The following PARP9 variants were observed in gnomAD, a reference collection of about 807,000 sequenced individuals.
The protein encoded by PARP9 is poly(ADP-ribose) polymerase family member 9.
In PARP9, 48 loss-of-function variants were observed where a neutral mutation model predicts 68.8. The ratio of observed to expected loss-of-function variants is 0.70; its 90% confidence interval spans 0.55 to 0.89. The LOEUF is 0.89. PARP9 is among the 40% of genes least tolerant of loss of function. PARP9 has a pLI of 0.00. For missense variants in PARP9, 806 were observed against 969.3 expected (o/e 0.83, Z 2.24); for synonymous variants, 309 against 333.8 (o/e 0.93, Z 0.81).
At chr3:122,552,330 A>G in intron 5 of PARP9, 88 bp downstream of exon 5, 1 of 996,650 alleles carries the variant, frequency 1.0e-6, no homozygotes, top group East Asian at 2.5e-5. Flanking sequence ...ATATTTCATG[A>G]ATGTAATGAA....
intron 5 of PARP9, 42 bp downstream of exon 5, chr3:122,552,376 A>G: frequency 7.1e-7 from 1 of 1,411,560 alleles, no homozygotes; most frequent in African/African-American, 1.4e-5. Context: ...AAGACTGTAT[A>G]GACTATGGAG....
At chr3:122,532,128 G>A in intron 10 of PARP9, 1 of 984,294 alleles carries the variant, frequency 1.0e-6, no homozygotes, top group Non-Finnish European at 1.2e-6. Flanking sequence ...GAGTGGCAAT[G>A]GCTGGAGAAG....
At chr3:122,535,597 A>G (rs2077578495) in intron 10 of PARP9, 2 of 985,290 alleles carry the variant, frequency 2.0e-6, no homozygotes, top group Admixed American at 1.2e-4. Flanking sequence ...TTATATATGC[A>G]ATGTTTTTGT....
At chr3:122,549,853 CAGAGATCCAAGTGGAAATG>C (rs2079056829) in intron 6 of PARP9, among the ~76,000 whole-genome samples, 1 of 151,636 alleles carries the variant, frequency 6.6e-6, no homozygotes, top group African/African-American at 2.4e-5. Flanking sequence ...AGATGACGGT[CAGAGATCCAAGTGGAAATG>C]AGAGAGGATT....
At chr3:122,535,563 G>A (rs1397482031) in intron 10 of PARP9, 2 of 985,350 alleles carry the variant, frequency 2.0e-6, no homozygotes, top group East Asian at 2.3e-4. Context: ...TAGTGACTGA[G>A]GAGTAGAGGG....
chr3:122,535,439 A>G (rs2077568172), intron 10 of PARP9: 1 of 985,464 alleles, frequency 1.0e-6, no homozygotes, highest in Non-Finnish European at 1.2e-6. Context: ...AAAGATCAAG[A>G]GCCACATATT....
intron 5 of PARP9, among the ~76,000 whole-genome samples, chr3:122,551,617 T>C (rs2079207791): frequency 6.6e-6 from 1 of 152,142 alleles, no homozygotes; most frequent in South Asian, 2.1e-4. Flanking sequence ...TTGTATTTTA[T>C]GTGCCTCAGT....
intron 6 of PARP9, among the ~76,000 whole-genome samples, chr3:122,549,686 T>A (rs1448546714): frequency 6.6e-6 from 1 of 151,128 alleles, no homozygotes; most frequent in Non-Finnish European, 1.5e-5. Flanking sequence ...GAGGCTGGAG[T>A]GGGAGGATCA....
intron 7 of PARP9, among the ~76,000 whole-genome samples, chr3:122,544,003 G>A (rs535677432): frequency 1.4e-4 from 22 of 152,294 alleles, no homozygotes; most frequent in African/African-American, 2.2e-4. Context: ...GACATTTGCC[G>A]CCATTATTCA....
intron 1 of PARP9, among the ~76,000 whole-genome samples, chr3:122,563,449 ATC>A (rs1465565554): frequency 6.6e-6 from 1 of 152,200 alleles, no homozygotes; most frequent in East Asian, 1.9e-4. Context: ...AGTTAATTTC[ATC>A]TGTTTCTTTA....
At chr3:122,536,375 G>T in intron 9 of PARP9, 33 bp from the exon 10 acceptor site, 1 of 1,604,202 alleles carries the variant, frequency 6.2e-7, no homozygotes, top group Non-Finnish European at 8.5e-7. Context: ...CTGAAAAAGA[G>T]GCTAGAGAAC....
chr3:122,552,196 A>C (rs2079258429), intron 5 of PARP9, among the ~76,000 whole-genome samples: 1 of 152,176 alleles, frequency 6.6e-6, no homozygotes, highest in Non-Finnish European at 1.5e-5. Flanking sequence ...CTGGACTCAC[A>C]GGCATGAGCC....
chr3:122,529,477 G>A (rs1559792717), intron 10 of PARP9, among the ~76,000 whole-genome samples: 1 of 151,568 alleles, frequency 6.6e-6, no homozygotes, highest in Non-Finnish European at 1.5e-5. Flanking sequence ...TCGGCCGGGC[G>A]CGGTGGCTCA....
intron 10 of PARP9, among the ~76,000 whole-genome samples, chr3:122,529,645 T>A (rs1201155550): frequency 6.6e-6 from 1 of 151,392 alleles, no homozygotes; most frequent in Non-Finnish European, 1.5e-5. Context: ...TCCCAGCTAC[T>A]CCGGGGGCTG....
intron 10 of PARP9, chr3:122,535,517 C>T (rs1396564483): frequency 1.4e-5 from 14 of 985,262 alleles, no homozygotes; most frequent in African/African-American, 1.7e-5. Flanking sequence ...AATTTCTTTT[C>T]CTCTTTTGGA....
At chr3:122,549,436 C>G (rs148462849) in intron 6 of PARP9, among the ~76,000 whole-genome samples, 82 of 152,134 alleles carry the variant, frequency 5.4e-4, no homozygotes, top group South Asian at 4.6e-3. Context: ...ATATAGCCAG[C>G]GAGAGGCAAA....
chr3:122,546,968 CTATATATATATATATATATA>C (rs57337681), intron 6 of PARP9, among the ~76,000 whole-genome samples: 15,639 of 70,284 alleles, frequency 0.22, 1,395 homozygotes, highest in East Asian at 0.41. Flanking sequence ...ATACATGGCA[CTATATATATATATATATATA>C]TATATATATA....
intron 1 of PARP9, among the ~76,000 whole-genome samples, chr3:122,562,483 G>A (rs1187875487): frequency 3.3e-5 from 5 of 151,896 alleles, no homozygotes; most frequent in Admixed American, 6.6e-5. Flanking sequence ...GTGAGCCACC[G>A]CGCCCAGCCA....
intron 3 of PARP9, among the ~76,000 whole-genome samples, chr3:122,557,148 A>AT (rs973135164): frequency 2.0e-5 from 3 of 152,110 alleles, no homozygotes; most frequent in Admixed American, 6.5e-5. Context: ...TTTAGCTGGC[A>AT]TTTTTTCCCC....
Sources: gnomAD v4.1 joint callset for allele counts (sites outside exome capture counted in the v4.1 genomes callset) on GRCh38, gnomAD v4.1.1 for gene constraint, MANE v1.5 for transcripts, NCBI Gene and HGNC (gene_info 2026-07-23, HGNC 2026-07-21) for gene names.